Variants in KCNMB2 observed in about 807,000 individuals in gnomAD.
KCNMB2 encodes potassium calcium-activated channel subfamily M regulatory beta subunit 2.
KCNMB2 carries 9 observed loss-of-function variants against 24.5 expected under a neutral mutation model. The observed-to-expected ratio is 0.37, with a 90% CI of 0.22 to 0.64. The LOEUF (loss-of-function observed/expected upper bound fraction) is 0.64. KCNMB2 is among the 30% of genes least tolerant of loss of function. The pLI is 0.63. For missense variants in KCNMB2, 226 were observed against 284.3 expected (o/e 0.79, Z 1.47); for synonymous variants, 109 against 104.4 (o/e 1.04, Z -0.27).
chr3:178,783,348 T>A (rs1185302031), intron 1 of KCNMB2, among the ~76,000 whole-genome samples: 1 of 149,124 alleles, frequency 6.7e-6, no homozygotes. Flanking sequence ...GGTAGCTTGA[T>A]GGGGATGGCA....
chr3:178,637,789 G>A (rs1232917551), intron 1 of KCNMB2, among the ~76,000 whole-genome samples: 1 of 152,158 alleles, frequency 6.6e-6, no homozygotes, highest in African/African-American at 2.4e-5. Flanking sequence ...GTTATTTTCT[G>A]TCTCTGATAG....
At chr3:178,678,765 A>G (rs1244988642) in intron 1 of KCNMB2, among the ~76,000 whole-genome samples, 1 of 152,208 alleles carries the variant, frequency 6.6e-6, no homozygotes, top group Non-Finnish European at 1.5e-5. Flanking sequence ...GGGGAGACCA[A>G]CATGTCCTAG....
At chr3:178,723,264 T>G (rs1323596805) in intron 1 of KCNMB2, among the ~76,000 whole-genome samples, 1 of 152,218 alleles carries the variant, frequency 6.6e-6, no homozygotes, top group Non-Finnish European at 1.5e-5. Flanking sequence ...AATATCCTGC[T>G]GGAATTTTGA....
At chr3:178,718,434 C>G (rs1247856112) in intron 1 of KCNMB2, among the ~76,000 whole-genome samples, 1 of 152,156 alleles carries the variant, frequency 6.6e-6, no homozygotes, top group East Asian at 1.9e-4. Context: ...AGGACATAAA[C>G]TTTTTCTCTC....
chr3:178,772,940 G>A (rs562922948), intron 1 of KCNMB2, among the ~76,000 whole-genome samples: 86 of 152,180 alleles, frequency 5.7e-4, no homozygotes, highest in African/African-American at 1.9e-3. Context: ...CAAAGCTAGC[G>A]GTATTCACCC....
Position 178,784,836 on chromosome 3 carries a change from G to T in KCNMB2, c.-67-22507G>T, listed in dbSNP as rs547548492. Among the ~76,000 whole-genome samples the T allele has an allele frequency of 3.5e-5, 5 of 142,564 alleles. No individual in the cohort carries two copies. The East Asian group carries it at 8.2e-4, about 23-fold the overall frequency. The allele number at this position is 142,564 out of a possible 152,430, so 93.5% of individuals were successfully genotyped here. On this transcript the variant is annotated intron_variant, in intron 1 of 4. Coordinates refer to ENST00000452583, the MANE Select transcript of KCNMB2 (RefSeq NM_181361.3). ...GCATTGTAAAAGTCTTTTGTTGTTGGATCCATTTGCTTCTAAGTGGCCTTT... is the reference window on the plus strand; with the variant it reads ...GCATTGTAAAAGTCTTTTGTTGTTGTATCCATTTGCTTCTAAGTGGCCTTT...
intron 1 of KCNMB2, among the ~76,000 whole-genome samples, chr3:178,649,670 G>C (rs775026757): frequency 6.6e-6 from 1 of 151,980 alleles, no homozygotes; most frequent in Non-Finnish European, 1.5e-5. Context: ...GGTGTTTATA[G>C]TATTCTCTGA....
chr3:178,703,784 C>G (rs540053858), intron 1 of KCNMB2, among the ~76,000 whole-genome samples: 1 of 152,148 alleles, frequency 6.6e-6, no homozygotes, highest in Non-Finnish European at 1.5e-5. Context: ...CCATGTGGAA[C>G]CCAGCTTGCT....
At chr3:178,624,798 C>A (rs1719051440) in intron 1 of KCNMB2, among the ~76,000 whole-genome samples, 1 of 151,688 alleles carries the variant, frequency 6.6e-6, no homozygotes, top group African/African-American at 2.4e-5. Context: ...GGGCGGGCAA[C>A]CTGTCCCGAG....
At chr3:178,561,524 A>C (rs1286828907) in intron 1 of KCNMB2, among the ~76,000 whole-genome samples, 1 of 152,146 alleles carries the variant, frequency 6.6e-6, no homozygotes, top group Non-Finnish European at 1.5e-5. Context: ...AAATCTCCTC[A>C]TGGTTAAATG....
At chr3:178,701,702 T>C (rs1005490690) in intron 1 of KCNMB2, among the ~76,000 whole-genome samples, 1 of 151,990 alleles carries the variant, frequency 6.6e-6, no homozygotes, top group Admixed American at 6.6e-5. Context: ...GAAATGCAAA[T>C]CAAAACCACA....
At chr3:178,803,162 G>A (rs573983357) in intron 1 of KCNMB2, among the ~76,000 whole-genome samples, 34 of 152,242 alleles carry the variant, frequency 2.2e-4, no homozygotes, top group African/African-American at 6.3e-4. Flanking sequence ...ACTCAGAGAC[G>A]TTAAATTGAC....
chr3:178,781,324 G>A (rs1179349250), intron 1 of KCNMB2, among the ~76,000 whole-genome samples: 1 of 152,098 alleles, frequency 6.6e-6, no homozygotes, highest in East Asian at 1.9e-4. Flanking sequence ...GGGCACGGTG[G>A]CTCACGCCTG....
At chr3:178,839,314 T>C (rs1462412556) in intron 4 of KCNMB2, among the ~76,000 whole-genome samples, 1 of 151,452 alleles carries the variant, frequency 6.6e-6, no homozygotes, top group Non-Finnish European at 1.5e-5. Context: ...ATATCTAACA[T>C]AAAATAAAAA....
chr3:178,761,187 G>A (rs995214867), intron 1 of KCNMB2, among the ~76,000 whole-genome samples: 1 of 152,134 alleles, frequency 6.6e-6, no homozygotes, highest in African/African-American at 2.4e-5. Context: ...CTTAGACAAA[G>A]AGGCTAGAAA....
Position 178,677,214 on chromosome 3 carries a change from C to T in KCNMB2, c.-67-130129C>T, listed in dbSNP as rs916712369. Among the ~76,000 whole-genome samples the T allele has an allele frequency of 5.0e-4, 76 of 152,224 alleles. 1 individual carries two copies. Among genetic ancestry groups the T allele is most frequent in the African/African-American group, 1.8e-3 (75 of 41,458 alleles). ...GGAGTGGAACATCAAACTCCCCACG[C>T]TGACCTCAGTTGACAGAGGGCTTCC... On this transcript the variant is annotated intron_variant, in intron 1 of 4. Coordinates refer to ENST00000452583, the MANE Select transcript of KCNMB2 (RefSeq NM_181361.3).
Position 178,649,322 on chromosome 3 carries a change from T to C in KCNMB2, c.-68+112611T>C, listed in dbSNP as rs375417851. 2.8e-4 allele frequency among the ~76,000 whole-genome samples: 43 copies of C among 152,274 alleles called. 1 individual carries two copies. The South Asian group carries it at 8.7e-3, about 31-fold the overall frequency. ...ACTCATAAACATCACCTTCTATTCT[T>C]TTCATATTTTTACTATTCTTGTTTA... On this transcript the variant is annotated intron_variant, in intron 1 of 4. Coordinates refer to ENST00000452583, the MANE Select transcript of KCNMB2 (RefSeq NM_181361.3).
chr3:178,697,254 C>G (rs536036688), intron 1 of KCNMB2, among the ~76,000 whole-genome samples: 16 of 152,128 alleles, frequency 1.1e-4, no homozygotes, highest in Non-Finnish European at 1.6e-4. Flanking sequence ...CTTTGAAGGT[C>G]TCTAAGAATT....
intron 1 of KCNMB2, among the ~76,000 whole-genome samples, chr3:178,592,070 G>T (rs150703097): frequency 6.6e-6 from 1 of 152,066 alleles, no homozygotes; most frequent in Admixed American, 6.6e-5. Context: ...CTTTCTATGG[G>T]AGGGCAAAAG....
Sources: allele counts gnomAD v4.1 joint callset (sites outside exome capture counted in the v4.1 genomes callset), GRCh38; gene constraint gnomAD v4.1.1; transcripts MANE v1.5; gene names NCBI Gene and HGNC (gene_info 2026-07-23, HGNC 2026-07-21).